Variants in LYPLAL1 observed in about 807,000 individuals in gnomAD.
LYPLAL1 encodes lysophospholipase-like protein 1.
A neutral mutation model predicts 19.7 loss-of-function variants in LYPLAL1; 23 were observed. The observed-to-expected ratio is 1.17, with a 90% confidence interval of 0.84 to 1.65. The LOEUF (loss-of-function observed/expected upper bound fraction) is 1.65, where lower values mean the gene tolerates loss of function less well. Among genes scored for constraint, LYPLAL1 ranks in the 40% most tolerant of loss-of-function variants. The pLI is 0.00. For missense variants in LYPLAL1, 355 were observed against 279.4 expected (o/e 1.27, Z -1.93); for synonymous variants, 119 against 96.3 (o/e 1.24, Z -1.38).
At chr1:219,299,158 G>GT in the LYPLAL1 span, among the ~76,000 whole-genome samples, 1 of 62,698 alleles carries the variant, frequency 1.6e-5, no homozygotes, top group Non-Finnish European at 3.4e-5. Context: ...TTTTTTTTTT[G>GT]TCTTTTAAAC....
the LYPLAL1 span, among the ~76,000 whole-genome samples, chr1:219,401,352 A>ATTTTTTTTTTTTTTTTTTTT: frequency 1.0e-5 from 1 of 97,946 alleles, no homozygotes; most frequent in Non-Finnish European, 2.4e-5. Context: ...TCTTTTTTTA[A>ATTTTTTTTTTTTTTTTTTTT]TTGCCACTTA....
chr1:219,407,605 C>T, the LYPLAL1 span, among the ~76,000 whole-genome samples: 3 of 152,042 alleles, frequency 2.0e-5, no homozygotes, highest in African/African-American at 4.8e-5. Flanking sequence ...TGTGAATAAA[C>T]GTTCATTAAA....
the LYPLAL1 span, among the ~76,000 whole-genome samples, chr1:219,444,119 A>G: frequency 6.6e-6 from 1 of 152,300 alleles, no homozygotes; most frequent in Admixed American, 6.5e-5. Flanking sequence ...AACTTAAATG[A>G]CATTATTCAA....
At chr1:219,304,713 T>C in the LYPLAL1 span, among the ~76,000 whole-genome samples, 2 of 152,174 alleles carry the variant, frequency 1.3e-5, no homozygotes, top group Non-Finnish European at 2.9e-5. Flanking sequence ...GATCACTAAA[T>C]GGTGGCTGTG....
At position 219,175,043 on chromosome 1, in the gene LYPLAL1, T is replaced by C. The variant is rs1214462995; in HGVS notation, c.91+1062T>C. 7.1e-6 allele frequency: 7 copies of C among 985,160 alleles called. No individual in the cohort carries two copies. The South Asian group carries it at 2.3e-4, about 33-fold the overall frequency. The allele number at this position is 985,160 out of a possible 1,614,324, so 61.0% of individuals were successfully genotyped here. ...CGGGTAGGCTTAAATGGGACGGTGA[T>C]TGGAAGGGAATTGGAAAGGTACTGG... is the stretch of plus-strand genomic sequence containing the variant. On this transcript the variant is annotated intron_variant, in intron 1 of 4. Transcript: ENST00000366928.
chr1:219,220,134 T>C, the LYPLAL1 span, among the ~76,000 whole-genome samples: 13 of 152,196 alleles, frequency 8.5e-5, no homozygotes, highest in African/African-American at 2.9e-4. Context: ...ATCCAGAGCT[T>C]TCTTCCAGAA....
chr1:219,176,380 T>A (rs1217335453), intron 1 of LYPLAL1, among the ~76,000 whole-genome samples: 1 of 152,184 alleles, frequency 6.6e-6, no homozygotes, highest in Non-Finnish European at 1.5e-5. Context: ...CCAAACCATG[T>A]GTCTTGTTTA....
At chr1:219,260,591 A>G in the LYPLAL1 span, among the ~76,000 whole-genome samples, 3 of 149,666 alleles carry the variant, frequency 2.0e-5, no homozygotes, top group East Asian at 3.9e-4. Flanking sequence ...GAGGGGTCGA[A>G]TAATACAATA....
the LYPLAL1 span, among the ~76,000 whole-genome samples, chr1:219,398,821 G>A: frequency 6.6e-6 from 1 of 152,226 alleles, no homozygotes; most frequent in Non-Finnish European, 1.5e-5. Flanking sequence ...TAGGGGGCCA[G>A]TGCTGAGTTC....
the LYPLAL1 span, among the ~76,000 whole-genome samples, chr1:219,275,611 T>C: frequency 6.6e-6 from 1 of 152,138 alleles, no homozygotes; most frequent in Non-Finnish European, 1.5e-5. Context: ...CTATCACAAA[T>C]ATTAAAAATA....
rs28760441 is a variant in LYPLAL1, at chr1:219,193,058, T to C, written c.192-24T>C. On this transcript the variant is annotated intron_variant, in intron 2 of 4. Transcript: ENST00000366928. Reference sequence around the variant, plus strand: ...TATTCCCTTTTCCTTTCTTTTTTTTTGGGGGGGGGCGGTTGTTAAACAGAT... The same window carrying C: ...TATTCCCTTTTCCTTTCTTTTTTTTCGGGGGGGGGCGGTTGTTAAACAGAT... 9.2e-6 allele frequency: 11 copies of C among 1,192,952 alleles called. No individual in the cohort carries two copies. The East Asian group carries it at 3.1e-4, about 34-fold the overall frequency. 73.9% of individuals were successfully genotyped at this position (1,192,952 alleles called of 1,614,324 possible).
intron 3 of LYPLAL1, among the ~76,000 whole-genome samples, chr1:219,208,405 C>T (rs1477047003): frequency 6.6e-6 from 1 of 151,998 alleles, no homozygotes; most frequent in East Asian, 1.9e-4. Flanking sequence ...GGGAGTATCA[C>T]AGGCAGGACT....
At chr1:219,435,503 A>T in the LYPLAL1 span, 7 of 152,138 alleles carry the variant, frequency 4.6e-5, no homozygotes, top group African/African-American at 1.7e-4. Context: ...CTTAGTGTAC[A>T]ATGTTATCTT....
chr1:219,300,058 A>T, the LYPLAL1 span, among the ~76,000 whole-genome samples: 6 of 152,212 alleles, frequency 3.9e-5, no homozygotes, highest in East Asian at 1.9e-4. Flanking sequence ...AGCTAACTGC[A>T]CCCATAGTCT....
chr1:219,188,075 C>A (rs1656868036), intron 2 of LYPLAL1, among the ~76,000 whole-genome samples: 1 of 151,604 alleles, frequency 6.6e-6, no homozygotes. Flanking sequence ...TTCTGGCTGG[C>A]ACAAATTATT....
intron 1 of LYPLAL1, among the ~76,000 whole-genome samples, chr1:219,177,526 T>C (rs1655918469): frequency 6.6e-6 from 1 of 152,142 alleles, no homozygotes; most frequent in East Asian, 1.9e-4. Context: ...ACTCAACCTG[T>C]GTATGCCTGT....
chr1:219,309,237 G>A, the LYPLAL1 span, among the ~76,000 whole-genome samples: 19 of 152,160 alleles, frequency 1.2e-4, no homozygotes, highest in African/African-American at 4.6e-4. Context: ...TGGAATGGCT[G>A]TATTTACCCA....
intron 3 of LYPLAL1, chr1:219,200,074 T>G (rs1158050957): frequency 2.2e-5 from 5 of 229,438 alleles, no homozygotes; most frequent in Admixed American, 1.2e-4. Context: ...TTCCATCTGT[T>G]GAACAATGTA....
chr1:219,359,340 C>G, the LYPLAL1 span, among the ~76,000 whole-genome samples: 1 of 152,206 alleles, frequency 6.6e-6, no homozygotes. Context: ...TTTCTTACAT[C>G]AGGGATTTAT....
Sources: allele counts gnomAD v4.1 joint callset (sites outside exome capture counted in the v4.1 genomes callset), GRCh38; gene constraint gnomAD v4.1.1; transcripts MANE v1.5; gene names NCBI Gene and HGNC (gene_info 2026-07-23, HGNC 2026-07-21).